OASL: variants seen among roughly 807,000 people sequenced by gnomAD.
OASL encodes 2'-5'-oligoadenylate synthase-like protein.
A neutral mutation model predicts 35.3 loss-of-function variants in OASL; 28 were observed. The observed-to-expected ratio is 0.79, with a 90% CI of 0.59 to 1.09. OASL has a LOEUF of 1.09. Among genes scored for constraint, OASL ranks in the 50% least tolerant of loss-of-function variants. The pLI is 0.00. For missense variants in OASL, 620 were observed against 635.2 expected (o/e 0.98, Z 0.26); for synonymous variants, 252 against 254.6 (o/e 0.99, Z 0.10).
At chr12:121,032,309 C>T (rs1373540596) in intron 2 of OASL, among the ~76,000 whole-genome samples, 1 of 152,168 alleles carries the variant, frequency 6.6e-6, no homozygotes, top group Non-Finnish European at 1.5e-5. Flanking sequence ...GTCTCTTATA[C>T]CTTCTCCAAA....
At chr12:121,027,726 TCTTCAGTACCCA>T in exon 4 of OASL, 1 of 1,614,184 alleles carries the variant, frequency 6.2e-7, no homozygotes, top group South Asian at 1.1e-5. Flanking sequence ...ATTCTCGTCT[TCTTCAGTACCCA>T]TTTCCCAGGC....
chr12:121,021,775 C>T (rs1033742722), intron 5 of OASL, among the ~76,000 whole-genome samples: 2 of 152,090 alleles, frequency 1.3e-5, no homozygotes, highest in African/African-American at 4.8e-5. Context: ...CGCACCACTG[C>T]ACTCCAGCCT....
chr12:121,021,714 A>G (rs1869244080), intron 5 of OASL, among the ~76,000 whole-genome samples: 1 of 152,138 alleles, frequency 6.6e-6, no homozygotes, highest in African/African-American at 2.4e-5. Flanking sequence ...GGAAGGCTGA[A>G]GTGGGAGAAT....
At chr12:121,022,844 T>G (rs919998549) in intron 5 of OASL, among the ~76,000 whole-genome samples, 1 of 152,260 alleles carries the variant, frequency 6.6e-6, no homozygotes, top group African/African-American at 2.4e-5. Context: ...ACATTTATTC[T>G]GCTTCCAGAC....
intron 1 of OASL, among the ~76,000 whole-genome samples, chr12:121,035,512 G>A (rs1477725339): frequency 7.4e-5 from 7 of 94,904 alleles, no homozygotes; most frequent in South Asian, 3.9e-4. Context: ...GCGACACAGC[G>A]AGACTCCATC....
At chr12:121,039,053 G>A in exon 1 of OASL, 1 of 1,186,878 alleles carries the variant, frequency 8.4e-7, no homozygotes, top group South Asian at 1.3e-5. Flanking sequence ...CCTTTTTTAA[G>A]GTAGCTCCTC....
intron 5 of OASL, 139 bp from the exon 6 acceptor site, chr12:121,021,197 C>T: frequency 1.3e-6 from 1 of 794,722 alleles, no homozygotes; most frequent in South Asian, 1.9e-5. Context: ...GTGGTAAGCA[C>T]TTTCCAGGCT....
At chr12:121,033,427 GT>G in intron 2 of OASL, 33 bp downstream of exon 2, 1 of 1,596,036 alleles carries the variant, frequency 6.3e-7, no homozygotes, top group Non-Finnish European at 8.6e-7. Flanking sequence ...GGGTGGGCAA[GT>G]GTGTGAGTCG....
exon 6 of OASL, chr12:121,020,404 G>A: frequency 1.3e-6 from 1 of 779,292 alleles, no homozygotes; most frequent in African/African-American, 1.7e-5. Flanking sequence ...CAAAGTTCTG[G>A]GATTACAGGT....
Position 121,021,066 on chromosome 12 carries a change from G to A in OASL, c.1048-8C>T, listed in dbSNP as rs369304749. The stretch of plus-strand genomic sequence containing the variant: ...GTGGATGTCTCGTGCCCTCTGGAAG[G>A]GAGAGGGAGAAGGAGAGGTGTTAAG... On this transcript the variant is annotated splice_polypyrimidine_tract_variant and splice_region_variant and intron_variant, in intron 5 of 5. Transcript: ENST00000257570. The A allele has an allele frequency of 2.6e-6, 4 of 1,555,080 alleles. No homozygotes were observed. The highest frequency in any genetic ancestry group is 2.7e-5 in the African/African-American group (2 of 72,922).
intron 4 of OASL, 89 bp downstream of exon 4, chr12:121,027,486 AC>A: frequency 6.4e-7 from 1 of 1,564,024 alleles, no homozygotes; most frequent in Non-Finnish European, 8.7e-7. Flanking sequence ...ACTGCTTAAT[AC>A]AGCCAATCCA....
intron 1 of OASL, among the ~76,000 whole-genome samples, chr12:121,036,522 A>G (rs1371587467): frequency 6.6e-6 from 1 of 152,088 alleles, no homozygotes; most frequent in African/African-American, 2.4e-5. Context: ...GGTGGTTCAC[A>G]CCTGTAATCC....
exon 6 of OASL, chr12:121,020,717 A>G (rs1488617675): frequency 6.2e-7 from 1 of 1,614,180 alleles, no homozygotes; most frequent in Non-Finnish European, 8.5e-7. Context: ...GCTGGTCTTC[A>G]ATCTGCTGCT....
At chr12:121,038,230 G>C (rs1016837466) in intron 1 of OASL, among the ~76,000 whole-genome samples, 1 of 152,202 alleles carries the variant, frequency 6.6e-6, no homozygotes, top group Non-Finnish European at 1.5e-5. Context: ...CCACGTTAAA[G>C]TAAATTATAG....
intron 4 of OASL, 42 bp downstream of exon 4, chr12:121,027,533 CT>C (rs1565905023): frequency 2.5e-6 from 4 of 1,609,576 alleles, no homozygotes; most frequent in Non-Finnish European, 3.4e-6. Context: ...GCCCGTCTCT[CT>C]TTTTTTCTGT....
At position 121,031,672 on chromosome 12, in the gene OASL, G is replaced by A. The variant is rs1046702473; in HGVS notation, c.482-55C>T. On this transcript the variant is annotated intron_variant, in intron 2 of 5. Transcript: ENST00000257570. ...TGGGGATTGAGGAAGCCAGAGGGTGGTAAGTAGTATTTTGGGGAGAGCCTG... is the reference window on the plus strand; with the variant it reads ...TGGGGATTGAGGAAGCCAGAGGGTGATAAGTAGTATTTTGGGGAGAGCCTG... 7 of 1,528,766 alleles carry A rather than the reference G, an allele frequency of 4.6e-6. No individual in the cohort carries two copies. In the East Asian group the frequency reaches 1.1e-4, roughly 25 times the overall value. 94.7% of individuals were successfully genotyped at this position (1,528,766 alleles called of 1,614,324 possible).
intron 2 of OASL, among the ~76,000 whole-genome samples, chr12:121,031,821 T>G (rs79249929): frequency 0.016 from 2,439 of 152,254 alleles, 72 homozygotes; most frequent in African/African-American, 0.056. Context: ...CATTGGGCTT[T>G]CCATGCATCA....
intron 2 of OASL, 51 bp from the exon 3 acceptor site, chr12:121,031,668 G>T: frequency 6.5e-7 from 1 of 1,546,030 alleles, no homozygotes. Flanking sequence ...GAAGCCAGAG[G>T]GTGGTAAGTA....
At chr12:121,032,125 G>A (rs1463698171) in intron 2 of OASL, among the ~76,000 whole-genome samples, 1 of 152,118 alleles carries the variant, frequency 6.6e-6, no homozygotes, top group Non-Finnish European at 1.5e-5. Context: ...CCCTGGAGGT[G>A]GAGGTTGCAG....
Sources: gnomAD v4.1 joint callset for allele counts (sites outside exome capture counted in the v4.1 genomes callset) on GRCh38, gnomAD v4.1.1 for gene constraint, MANE v1.5 for transcripts, NCBI Gene and HGNC (gene_info 2026-07-23, HGNC 2026-07-21) for gene names.